The following ANO3 variants were observed in gnomAD, a reference collection of about 807,000 sequenced individuals.
ANO3 encodes anoctamin-3.
Under a neutral mutation model 144.8 loss-of-function variants are expected in ANO3, and 99 were observed. That is an observed-to-expected ratio of 0.68 (90% CI 0.58 to 0.81). The LOEUF (loss-of-function observed/expected upper bound fraction) is 0.81. Among genes scored for constraint, ANO3 ranks in the 30% least tolerant of loss-of-function variants. The probability of loss-of-function intolerance (pLI) is 0.00; values close to 1 mark genes in which losing one functional copy is unlikely to be tolerated. For missense variants in ANO3, 905 were observed against 1,202.2 expected (o/e 0.75, Z 3.66); for synonymous variants, 414 against 392.6 (o/e 1.05, Z -0.64).
intron 12 of ANO3, among the ~76,000 whole-genome samples, chr11:26,551,354 T>C (rs1849926924): frequency 7.3e-6 from 1 of 136,888 alleles, no homozygotes; most frequent in African/African-American, 2.6e-5. Flanking sequence ...CAAAAGAAAT[T>C]AAGAAACACT....
chr11:26,513,972 A>G (rs1245793911), intron 5 of ANO3, among the ~76,000 whole-genome samples: 1 of 148,360 alleles, frequency 6.7e-6, no homozygotes, highest in Non-Finnish European at 1.5e-5. Flanking sequence ...ACCTCTGAAT[A>G]AGAACTCATA....
chr11:26,484,918 T>G (rs2134094933), intron 4 of ANO3, among the ~76,000 whole-genome samples: 1 of 152,196 alleles, frequency 6.6e-6, no homozygotes, highest in Non-Finnish European at 1.5e-5. Flanking sequence ...CCCTCCTGGG[T>G]TTTGGGCTTG....
At chr11:26,314,764 G>T (rs1305839711) in intron 1 of ANO3, among the ~76,000 whole-genome samples, 2 of 152,106 alleles carry the variant, frequency 1.3e-5, no homozygotes, top group Non-Finnish European at 2.9e-5. Context: ...ATGATAAATT[G>T]ATCCAAGTCA....
chr11:26,361,321 T>C (rs1267510370), intron 1 of ANO3, among the ~76,000 whole-genome samples: 2 of 152,338 alleles, frequency 1.3e-5, no homozygotes, highest in East Asian at 3.9e-4. Flanking sequence ...GATGTCATTT[T>C]ATTTTTCCAG....
intron 4 of ANO3, among the ~76,000 whole-genome samples, chr11:26,496,715 A>T (rs936755161): frequency 6.6e-6 from 1 of 151,854 alleles, no homozygotes; most frequent in African/African-American, 2.4e-5. Context: ...CTATTATTCC[A>T]TTCTCTATAT....
At chr11:26,579,763 G>T (rs1028862389) in intron 14 of ANO3, among the ~76,000 whole-genome samples, 1 of 152,090 alleles carries the variant, frequency 6.6e-6, no homozygotes, top group Non-Finnish European at 1.5e-5. Context: ...AAGTTGTTAT[G>T]AATCCCCTCT....
chr11:26,267,180 G>T (rs556338437), intron 1 of ANO3, among the ~76,000 whole-genome samples: 8 of 150,656 alleles, frequency 5.3e-5, no homozygotes, highest in Non-Finnish European at 1.2e-4. Context: ...CTTCACGCAC[G>T]CACGCACACA....
rs75612795 is a variant in ANO3, at chr11:26,465,807, A to G, written c.432+2659A>G. On this transcript the variant is annotated intron_variant, in intron 4 of 26. Coordinates refer to ENST00000256737, the MANE Select transcript of ANO3 (RefSeq NM_031418.4). Reference sequence around the variant, plus strand: ...TTGGTTTATCAATCATTGTGCAAACATTTTCTGAGTTGAGTTGGGGTAGTG... The same window carrying G: ...TTGGTTTATCAATCATTGTGCAAACGTTTTCTGAGTTGAGTTGGGGTAGTG... Among the ~76,000 whole-genome samples, 225 of 152,050 alleles carry G rather than the reference A, an allele frequency of 1.5e-3. 1 individual carries two copies. The highest frequency in any genetic ancestry group is 5.2e-3 in the African/African-American group (214 of 41,522).
At chr11:26,557,405 G>A (rs1477256753) in intron 13 of ANO3, among the ~76,000 whole-genome samples, 2 of 146,876 alleles carry the variant, frequency 1.4e-5, no homozygotes, top group African/African-American at 2.5e-5. Flanking sequence ...AGCTTACAGT[G>A]AGCCGAGATC....
At chr11:26,488,518 C>T (rs550610298) in intron 4 of ANO3, among the ~76,000 whole-genome samples, 135 of 152,226 alleles carry the variant, frequency 8.9e-4, no homozygotes, top group Non-Finnish European at 1.6e-3. Flanking sequence ...GAGTTTGTTC[C>T]TTCAGATGTT....
intron 1 of ANO3, among the ~76,000 whole-genome samples, chr11:26,421,592 A>G (rs1048373714): frequency 1.2e-4 from 18 of 152,020 alleles, no homozygotes; most frequent in African/African-American, 4.3e-4. Context: ...GTTAGGTAAT[A>G]ATATCAAGGT....
intron 6 of ANO3, among the ~76,000 whole-genome samples, chr11:26,521,133 C>A (rs910610562): frequency 6.6e-6 from 1 of 152,108 alleles, no homozygotes; most frequent in Admixed American, 6.5e-5. Flanking sequence ...GCTATTCAAG[C>A]ATAAACTAAG....
intron 1 of ANO3, among the ~76,000 whole-genome samples, chr11:26,385,907 A>ATATATATATATATATG (rs1856717659): frequency 6.6e-6 from 1 of 151,526 alleles, no homozygotes; most frequent in African/African-American, 2.4e-5. Context: ...ATATATTTAT[A>ATATATATATATATATG]TACATATTTA....
intron 1 of ANO3, among the ~76,000 whole-genome samples, chr11:26,367,232 C>T (rs952387205): frequency 9.9e-5 from 15 of 152,246 alleles, no homozygotes; most frequent in Admixed American, 8.5e-4. Flanking sequence ...CATGGCAAGG[C>T]TGCAAATTTT....
At chr11:26,495,917 TA>T (rs1441174131) in intron 4 of ANO3, among the ~76,000 whole-genome samples, 1 of 152,220 alleles carries the variant, frequency 6.6e-6, no homozygotes, top group Non-Finnish European at 1.5e-5. Context: ...TGAATTTTCC[TA>T]ATTTCCATGT....
intron 1 of ANO3, among the ~76,000 whole-genome samples, chr11:26,210,512 C>A (rs1162810261): frequency 6.6e-6 from 1 of 152,156 alleles, no homozygotes. Flanking sequence ...TTTTCCAATT[C>A]TGTGAAGAAA....
At chr11:26,325,582 T>G (rs1854863112) in intron 1 of ANO3, among the ~76,000 whole-genome samples, 1 of 152,206 alleles carries the variant, frequency 6.6e-6, no homozygotes, top group Non-Finnish European at 1.5e-5. Flanking sequence ...ATAAGTAAAT[T>G]AAATACTTCA....
chr11:26,190,923 C>T (rs964360761), intron 1 of ANO3, among the ~76,000 whole-genome samples: 2 of 152,148 alleles, frequency 1.3e-5, no homozygotes, highest in Non-Finnish European at 2.9e-5. Context: ...TCTCAATATT[C>T]CTTAACATTT....
rs188968474 is a variant in ANO3, at chr11:26,457,649, C to T, written c.314-5381C>T. On this transcript the variant is annotated intron_variant, in intron 3 of 26. Transcript: ENST00000256737. ...TAAAAAACTGTAACGGACTCACTGC[C>T]ACCCAGCTAACAAATGATAAAACAA... Among the ~76,000 whole-genome samples, 377 of 152,222 alleles carry T rather than the reference C, an allele frequency of 2.5e-3. 1 individual carries two copies. The highest frequency in any genetic ancestry group is 8.7e-3 in the African/African-American group (361 of 41,552).
Sources: gnomAD v4.1 joint callset for allele counts (sites outside exome capture counted in the v4.1 genomes callset) on GRCh38, gnomAD v4.1.1 for gene constraint, MANE v1.5 for transcripts, NCBI Gene and HGNC (gene_info 2026-07-23, HGNC 2026-07-21) for gene names.